Variants in LRMDA observed in about 807,000 individuals in gnomAD.
LRMDA encodes the protein leucine rich melanocyte differentiation associated.
In LRMDA, 18 loss-of-function variants were observed where a neutral mutation model predicts 29.8. That is an observed-to-expected ratio of 0.60 (90% CI 0.42 to 0.90). The LOEUF is 0.90. LRMDA is among the 40% of genes least tolerant of loss of function. The probability of loss-of-function intolerance (pLI) is 0.00; values close to 1 mark genes in which losing one functional copy is unlikely to be tolerated. For synonymous variants in LRMDA, 125 were observed against 109.4 expected (o/e 1.14, Z -0.89); for missense variants, 273 against 273.9 (o/e 1.00, Z 0.02).
intron 2 of LRMDA, chr10:75,743,343 A>C (rs115341393): frequency 2.6e-5 from 4 of 152,220 alleles, no homozygotes; most frequent in African/African-American, 9.6e-5. Context: ...GCTGCTGTTT[A>C]TTCTCCCGGT....
chr10:75,865,808 A>G (rs1269347894), intron 2 of LRMDA, among the ~76,000 whole-genome samples: 1 of 152,182 alleles, frequency 6.6e-6, no homozygotes, highest in Non-Finnish European at 1.5e-5. Context: ...TTTCTAATGA[A>G]TCATTATCAT....
chr10:75,754,846 G>T (rs954845054), intron 2 of LRMDA, among the ~76,000 whole-genome samples: 1 of 151,882 alleles, frequency 6.6e-6, no homozygotes, highest in African/African-American at 2.4e-5. Flanking sequence ...TCTTACTGCA[G>T]CCTCACATCC....
At chr10:75,859,405 A>G (rs1844880809) in intron 2 of LRMDA, among the ~76,000 whole-genome samples, 1 of 152,192 alleles carries the variant, frequency 6.6e-6, no homozygotes. Flanking sequence ...AAATGTTTGC[A>G]GTCTCTTGGG....
intron 2 of LRMDA, among the ~76,000 whole-genome samples, chr10:75,575,593 A>T (rs945645606): frequency 7.2e-5 from 11 of 152,258 alleles, no homozygotes; most frequent in African/African-American, 2.4e-4. Flanking sequence ...ATGGCCAAAT[A>T]GGAACAGCTC....
At position 75,571,692 on chromosome 10, in the gene LRMDA, A is replaced by G. The variant is rs182895171; in HGVS notation, c.131+133198A>G. On this transcript the variant is annotated intron_variant, in intron 2 of 6. Coordinates refer to ENST00000611255, the MANE Select transcript of LRMDA (RefSeq NM_001305581.2). ...TGGCTTTTAAGAAGAGATACAAGTA[A>G]CAGATGGTTCTACTTTTCCATTAGA... Among the ~76,000 whole-genome samples the G allele has an allele frequency of 7.2e-5, 11 of 152,302 alleles. No homozygotes were observed. The East Asian group carries it at 1.7e-3, about 24-fold the overall frequency.
intron 2 of LRMDA, among the ~76,000 whole-genome samples, chr10:75,472,519 T>A (rs537538307): frequency 3.2e-4 from 49 of 152,372 alleles, no homozygotes; most frequent in Non-Finnish European, 5.9e-4. Context: ...ACAATTTCTT[T>A]AACTTCTTAT....
chr10:75,511,467 A>G (rs1008312713), intron 2 of LRMDA, among the ~76,000 whole-genome samples: 15 of 152,202 alleles, frequency 9.9e-5, no homozygotes, highest in African/African-American at 3.6e-4. Flanking sequence ...GGCTGAACAC[A>G]GTCTCTCAGA....
intron 5 of LRMDA, among the ~76,000 whole-genome samples, chr10:76,243,787 T>C (rs1015293820): frequency 1.3e-5 from 2 of 152,116 alleles, no homozygotes; most frequent in Non-Finnish European, 2.9e-5. Flanking sequence ...GATGAAAACT[T>C]TGCCATAGTG....
chr10:76,219,999 A>G (rs1320651791), intron 5 of LRMDA, among the ~76,000 whole-genome samples: 1 of 152,220 alleles, frequency 6.6e-6, no homozygotes, highest in Non-Finnish European at 1.5e-5. Flanking sequence ...AAACTGAACA[A>G]CCTGCTCCTG....
chr10:75,957,831 C>T (rs751690637), intron 2 of LRMDA, among the ~76,000 whole-genome samples: 14 of 151,902 alleles, frequency 9.2e-5, no homozygotes, highest in African/African-American at 2.4e-4. Flanking sequence ...ATGAGGATGA[C>T]GAGGGCTTTG....
chr10:75,441,401 C>G (rs1017534915), intron 2 of LRMDA, among the ~76,000 whole-genome samples: 4 of 152,182 alleles, frequency 2.6e-5, no homozygotes, highest in Admixed American at 2.0e-4. Flanking sequence ...TGGACACACC[C>G]TTCATTTCTC....
intron 5 of LRMDA, among the ~76,000 whole-genome samples, chr10:76,180,572 C>T (rs1851029647): frequency 6.6e-6 from 1 of 152,036 alleles, no homozygotes; most frequent in African/African-American, 2.4e-5. Flanking sequence ...AGCCACTGCA[C>T]CTGGCCTGGA....
intron 2 of LRMDA, among the ~76,000 whole-genome samples, chr10:75,888,522 C>A (rs556771054): frequency 6.6e-6 from 1 of 152,258 alleles, no homozygotes; most frequent in African/African-American, 2.4e-5. Flanking sequence ...AAATTGCAGA[C>A]AAAACAAGCC....
intron 2 of LRMDA, among the ~76,000 whole-genome samples, chr10:75,470,716 T>C (rs1332494757): frequency 2.0e-5 from 3 of 152,094 alleles, no homozygotes; most frequent in Non-Finnish European, 2.9e-5. Flanking sequence ...GTAGGTGCCC[T>C]CAGTCTGAGC....
chr10:76,130,680 A>G (rs551373075), intron 5 of LRMDA, among the ~76,000 whole-genome samples: 11 of 151,820 alleles, frequency 7.2e-5, no homozygotes, highest in Middle Eastern at 3.4e-3. Flanking sequence ...TTTTTATGAG[A>G]CGAAGTTTCA....
intron 5 of LRMDA, among the ~76,000 whole-genome samples, chr10:76,286,950 T>C (rs554644349): frequency 6.6e-6 from 1 of 152,280 alleles, no homozygotes; most frequent in Non-Finnish European, 1.5e-5. Context: ...CTCAAATGTC[T>C]AGCACTCTCT....
At chr10:76,078,606 C>T (rs892646775) in intron 5 of LRMDA, among the ~76,000 whole-genome samples, 15 of 151,918 alleles carry the variant, frequency 9.9e-5, no homozygotes, top group African/African-American at 2.7e-4. Flanking sequence ...GAAGCTGAGA[C>T]GGGTGGATCA....
intron 2 of LRMDA, among the ~76,000 whole-genome samples, chr10:75,993,732 CA>C (rs111967250): frequency 1.8e-3 from 233 of 132,812 alleles, no homozygotes; most frequent in Admixed American, 1.5e-3. Flanking sequence ...GACTTCATCT[CA>C]AAAAAAAAAA....
intron 5 of LRMDA, among the ~76,000 whole-genome samples, chr10:76,290,411 C>CTTTTTTTT (rs11321369): frequency 1.0e-4 from 8 of 76,732 alleles, no homozygotes; most frequent in Non-Finnish European, 1.6e-4. Flanking sequence ...TTTATTTTCT[C>CTTTTTTTT]TTTTTTTTTT....
Sources: gnomAD v4.1 joint callset for allele counts (sites outside exome capture counted in the v4.1 genomes callset) on GRCh38, gnomAD v4.1.1 for gene constraint, MANE v1.5 for transcripts, NCBI Gene and HGNC (gene_info 2026-07-23, HGNC 2026-07-21) for gene names.